Variants in MEGF11 observed in about 807,000 individuals in gnomAD.
The protein encoded by MEGF11 is multiple EGF like domains 11, also known as multiple epidermal growth factor-like domains protein 11.
In MEGF11, 126 loss-of-function variants were observed where a neutral mutation model predicts 146.6. The observed-to-expected ratio is 0.86, with a 90% CI of 0.74 to 1.00. The LOEUF is 1.00. MEGF11 is among the 50% of genes least tolerant of loss of function. MEGF11 has a pLI of 0.00. For missense variants in MEGF11, 1,509 were observed against 1,521.2 expected, an observed-to-expected ratio of 0.99 and a Z score of 0.13; for synonymous variants, 532 against 583.4, an observed-to-expected ratio of 0.91 and a Z score of 1.27.
At chr15:66,104,117 C>T (rs1171759032) in intron 4 of MEGF11, among the ~76,000 whole-genome samples, 1 of 152,210 alleles carries the variant, frequency 6.6e-6, no homozygotes, top group Non-Finnish European at 1.5e-5. Context: ...GGGAGCCCCT[C>T]CTTTGTCCCT....
intron 7 of MEGF11, among the ~76,000 whole-genome samples, chr15:65,977,760 TTGTGTGTG>T (rs551341914): frequency 6.6e-6 from 1 of 151,558 alleles, no homozygotes; most frequent in African/African-American, 2.4e-5. Context: ...AGTCTTTTCT[TTGTGTGTG>T]TGTGTGTATG....
In MEGF11 at chr15:66,231,233, C is replaced by G. The variant is rs150755849; in HGVS notation, c.-9+22372G>C. 3.1e-3 allele frequency among the ~76,000 whole-genome samples: 474 copies of G among 152,102 alleles called. 3 individuals carry two copies. The highest frequency in any genetic ancestry group is 0.01 in the Middle Eastern group (3 of 294). ...GCCCTACTTCACACCCCAACCCCCA[C>G]CATCCCCCAAGGCAGGACTTTCCAG... On this transcript the variant is annotated intron_variant, in intron 1 of 25. Coordinates refer to ENST00000395614, the MANE Select transcript of MEGF11 (RefSeq NM_001385028.1).
chr15:65,998,798 G>C (rs2141821420), intron 5 of MEGF11, among the ~76,000 whole-genome samples: 1 of 152,278 alleles, frequency 6.6e-6, no homozygotes, highest in South Asian at 2.1e-4. Context: ...ATGGTGTGAG[G>C]TTAATGACCC....
chr15:66,005,835 C>T (rs1054144580), intron 5 of MEGF11, among the ~76,000 whole-genome samples: 1 of 152,216 alleles, frequency 6.6e-6, no homozygotes, highest in African/African-American at 2.4e-5. Flanking sequence ...AGCCCTGGCT[C>T]AGCCACTAAC....
At chr15:66,056,298 A>C (rs1240382070) in intron 5 of MEGF11, among the ~76,000 whole-genome samples, 1 of 152,036 alleles carries the variant, frequency 6.6e-6, no homozygotes, top group African/African-American at 2.4e-5. Flanking sequence ...GGGGTGGTAA[A>C]AAGGAGCAGG....
chr15:66,116,672 G>T (rs117801437), intron 4 of MEGF11, among the ~76,000 whole-genome samples: 6 of 152,102 alleles, frequency 3.9e-5, no homozygotes, highest in Non-Finnish European at 7.4e-5. Flanking sequence ...TTTGTGTGTT[G>T]GTATGTTTAT....
intron 1 of MEGF11, among the ~76,000 whole-genome samples, chr15:66,203,263 G>A (rs2091215337): frequency 1.3e-5 from 2 of 152,202 alleles, no homozygotes; most frequent in South Asian, 4.1e-4. Context: ...GATTCCGAGG[G>A]CCCGCCTCAC....
chr15:66,200,911 G>A (rs1417536811), intron 1 of MEGF11, among the ~76,000 whole-genome samples: 1 of 151,938 alleles, frequency 6.6e-6, no homozygotes, highest in African/African-American at 2.4e-5. Flanking sequence ...AGAGATTATT[G>A]CCACTGAGAT....
rs531034726 is a variant in MEGF11, at chr15:66,209,394, G to A, written c.-9+44211C>T. ...AACTAAACACGCAAGTACCATATGA[G>A]CAATTACGCTCCTCAGCATTCATCC... On this transcript the variant is annotated intron_variant, in intron 1 of 25. Coordinates refer to ENST00000395614, the MANE Select transcript of MEGF11 (RefSeq NM_001385028.1). Among the ~76,000 whole-genome samples the A allele has an allele frequency of 3.3e-5, 5 of 151,886 alleles. No individual in the cohort carries two copies. In the South Asian group the frequency reaches 8.4e-4, roughly 25 times the overall value.
chr15:65,975,743 G>A (rs1236112938), intron 7 of MEGF11, among the ~76,000 whole-genome samples: 1 of 152,216 alleles, frequency 6.6e-6, no homozygotes, highest in Non-Finnish European at 1.5e-5. Flanking sequence ...TAAAGACGAA[G>A]TGAGATTAGA....
intron 5 of MEGF11, among the ~76,000 whole-genome samples, chr15:66,089,975 A>G (rs968938084): frequency 1.3e-5 from 2 of 152,174 alleles, no homozygotes. Context: ...GCATGCAGCC[A>G]CTCCATTTCC....
At chr15:66,026,936 T>A (rs2083348903) in intron 5 of MEGF11, among the ~76,000 whole-genome samples, 1 of 152,262 alleles carries the variant, frequency 6.6e-6, no homozygotes, top group Non-Finnish European at 1.5e-5. Context: ...GTCATTTATA[T>A]GAAATGTAAA....
At chr15:66,170,541 G>A (rs1364822133) in intron 1 of MEGF11, among the ~76,000 whole-genome samples, 1 of 152,196 alleles carries the variant, frequency 6.6e-6, no homozygotes, top group Admixed American at 6.5e-5. Context: ...ACCTCTCTGG[G>A]CTTCAGCGTC....
At chr15:66,021,660 A>G (rs1036231045) in intron 5 of MEGF11, among the ~76,000 whole-genome samples, 2 of 152,212 alleles carry the variant, frequency 1.3e-5, no homozygotes, top group Non-Finnish European at 2.9e-5. Flanking sequence ...GCTTTTCTAC[A>G]GGAGGCTCTG....
chr15:65,942,963 AAAC>A (rs1335305255), intron 10 of MEGF11, among the ~76,000 whole-genome samples: 2 of 150,440 alleles, frequency 1.3e-5, no homozygotes, highest in African/African-American at 4.9e-5. Flanking sequence ...AAAAACAAAA[AAAC>A]AACTTGGCTT....
intron 1 of MEGF11, among the ~76,000 whole-genome samples, chr15:66,167,099 C>A (rs1425633792): frequency 2.0e-5 from 3 of 152,160 alleles, no homozygotes; most frequent in Non-Finnish European, 4.4e-5. Context: ...CTTTCATAGA[C>A]ACATGGCTCC....
intron 1 of MEGF11, among the ~76,000 whole-genome samples, chr15:66,182,222 C>T (rs1039429802): frequency 6.6e-6 from 1 of 152,180 alleles, no homozygotes; most frequent in Non-Finnish European, 1.5e-5. Context: ...CTCCACGGGC[C>T]TGCTCCCCAT....
chr15:66,068,802 G>A (rs973496156), intron 5 of MEGF11, among the ~76,000 whole-genome samples: 1 of 152,234 alleles, frequency 6.6e-6, no homozygotes, highest in African/African-American at 2.4e-5. Flanking sequence ...TGGGTAGCCA[G>A]CTGTGCAAAG....
chr15:66,203,017 T>C (rs958487923), intron 1 of MEGF11, among the ~76,000 whole-genome samples: 3 of 152,018 alleles, frequency 2.0e-5, no homozygotes, highest in African/African-American at 7.3e-5. Context: ...TACAGAAAGC[T>C]CTACACAGAA....
Sources: gnomAD v4.1 joint callset for allele counts (sites outside exome capture counted in the v4.1 genomes callset) on GRCh38, gnomAD v4.1.1 for gene constraint, MANE v1.5 for transcripts, NCBI Gene and HGNC (gene_info 2026-07-23, HGNC 2026-07-21) for gene names.